Variants in EIF4ENIF1 observed in about 807,000 individuals in gnomAD.
EIF4ENIF1 encodes the protein eukaryotic translation initiation factor 4E transporter.
EIF4ENIF1 carries 23 observed loss-of-function variants against 110.5 expected under a neutral mutation model. The observed-to-expected ratio is 0.21, with a 90% CI of 0.15 to 0.29. The LOEUF (loss-of-function observed/expected upper bound fraction) is 0.29, where lower values mean the gene tolerates loss of function less well. Ranked by LOEUF, EIF4ENIF1 falls within the 10% of genes least tolerant of loss-of-function variation. EIF4ENIF1 has a pLI of 1.00. For missense variants in EIF4ENIF1, 1,031 were observed against 1,221.1 expected (o/e 0.84, Z 2.32); for synonymous variants, 440 against 437.0 (o/e 1.01, Z -0.09).
upstream of EIF4ENIF1, among the ~76,000 whole-genome samples, chr22:31,493,120 GC>G (rs796240645): frequency 8.0e-5 from 12 of 149,706 alleles, no homozygotes; most frequent in African/African-American, 2.7e-4. Context: ...TGCAAGCTCT[GC>G]CCCCTGGGTT....
At chr22:31,485,731 G>A (rs910601891) in intron 2 of EIF4ENIF1, among the ~76,000 whole-genome samples, 5 of 152,058 alleles carry the variant, frequency 3.3e-5, no homozygotes, top group African/African-American at 1.2e-4. Context: ...TTGAACCCGG[G>A]AAGCGGAGGT....
At chr22:31,487,430 AC>A (rs1308207507) in intron 2 of EIF4ENIF1, among the ~76,000 whole-genome samples, 1 of 152,212 alleles carries the variant, frequency 6.6e-6, no homozygotes, top group Non-Finnish European at 1.5e-5. Context: ...GCACCAGAAC[AC>A]AAACAAGAGC....
chr22:31,460,738 A>C (rs949252030), intron 6 of EIF4ENIF1, among the ~76,000 whole-genome samples: 13 of 152,100 alleles, frequency 8.5e-5, no homozygotes, highest in African/African-American at 2.9e-4. Context: ...CGAGGTCAGG[A>C]GATCGAGACC....
At chr22:31,470,623 G>T (rs1253214903) in intron 3 of EIF4ENIF1, among the ~76,000 whole-genome samples, 2 of 150,290 alleles carry the variant, frequency 1.3e-5, no homozygotes, top group African/African-American at 2.5e-5. Flanking sequence ...ATTAGTATTA[G>T]CCTACATTTT....
intron 2 of EIF4ENIF1, among the ~76,000 whole-genome samples, chr22:31,473,640 G>T (rs1228311577): frequency 6.6e-6 from 1 of 152,144 alleles, no homozygotes; most frequent in Non-Finnish European, 1.5e-5. Context: ...GATAGACTGA[G>T]CCTAAATATC....
At chr22:31,491,494 T>G (rs2052280727), upstream of EIF4ENIF1, among the ~76,000 whole-genome samples, 1 of 152,156 alleles carries the variant, frequency 6.6e-6, no homozygotes. Context: ...TTCCTCATTT[T>G]TCCGAAAGGG....
chr22:31,437,924 G>A (rs1455709515), downstream of EIF4ENIF1: 1 of 152,204 alleles, frequency 6.6e-6, no homozygotes, highest in African/African-American at 2.4e-5. Flanking sequence ...GATTACTAAT[G>A]AGGCTGAAAG....
rs1419549300 is a variant in EIF4ENIF1, at chr22:31,468,095, TCA to T, written c.298+78_298+79del. Reference sequence around the variant, plus strand: ...CATTTCCCCTCAAAGCATAAAATTCTCAGAGCTAAGAATGAAACCAGCAGGCA... The same window carrying T: ...CATTTCCCCTCAAAGCATAAAATTCTGAGCTAAGAATGAAACCAGCAGGCA... On this transcript the variant is annotated intron_variant, in intron 4 of 18. Coordinates refer to ENST00000330125, the MANE Select transcript of EIF4ENIF1 (RefSeq NM_019843.4). 4 of 1,546,944 alleles carry T rather than the reference TCA, an allele frequency of 2.6e-6. No individual in the cohort carries two copies. The East Asian group carries it at 9.1e-5, about 35-fold the overall frequency.
chr22:31,445,237 A>G (rs2050425473), intron 14 of EIF4ENIF1, among the ~76,000 whole-genome samples: 1 of 152,162 alleles, frequency 6.6e-6, no homozygotes, highest in Non-Finnish European at 1.5e-5. Flanking sequence ...GGGAGCGGCA[A>G]TAATTAGCAC....
chr22:31,461,093 T>A (rs1284986541), intron 6 of EIF4ENIF1, among the ~76,000 whole-genome samples: 1 of 152,236 alleles, frequency 6.6e-6, no homozygotes, highest in African/African-American at 2.4e-5. Context: ...GATGGGTACA[T>A]GTGTTCTTCA....
chr22:31,488,850 G>C (rs1171755183), intron 1 of EIF4ENIF1, 105 bp from the exon 2 acceptor site: 5 of 1,354,440 alleles, frequency 3.7e-6, no homozygotes, highest in African/African-American at 1.5e-5. Flanking sequence ...AAAACAGCTA[G>C]TGTTAAAAAC....
At chr22:31,482,085 C>G (rs1012222536) in intron 2 of EIF4ENIF1, among the ~76,000 whole-genome samples, 1 of 150,814 alleles carries the variant, frequency 6.6e-6, no homozygotes, top group African/African-American at 2.4e-5. Flanking sequence ...GTGGAAGGAT[C>G]GCATGAATGC....
intron 2 of EIF4ENIF1, among the ~76,000 whole-genome samples, chr22:31,482,700 AC>A (rs2051864290): frequency 6.7e-6 from 1 of 149,688 alleles, no homozygotes; most frequent in African/African-American, 2.5e-5. Context: ...ACAAAAAAAA[AC>A]AGATTAGTCT....
downstream of EIF4ENIF1, among the ~76,000 whole-genome samples, chr22:31,438,809 G>T (rs372339932): frequency 1.6e-4 from 24 of 151,884 alleles, no homozygotes; most frequent in South Asian, 4.8e-3. Context: ...TGCAACCTCT[G>T]CCTCCCAGGT....
At chr22:31,486,615 C>G (rs1474884947) in intron 2 of EIF4ENIF1, among the ~76,000 whole-genome samples, 1 of 150,708 alleles carries the variant, frequency 6.6e-6, no homozygotes, top group Non-Finnish European at 1.5e-5. Context: ...CCCGTCTCCA[C>G]TAAAACTACA....
chr22:31,446,571 G>GT (rs990926470), intron 14 of EIF4ENIF1, among the ~76,000 whole-genome samples: 20 of 152,148 alleles, frequency 1.3e-4, no homozygotes, highest in African/African-American at 4.8e-4. Context: ...TAAGTACCGA[G>GT]TATTTTAAAG....
Position 31,463,927 on chromosome 22 carries a change from A to G in EIF4ENIF1, c.339T>C (p.Val113=). The part of the protein sequence containing the change: ...ERVKEDDLDV[V]LSPQRRSFGG... ...CAAAGCTCCGTCTCTGAGGGCTGAG[A>G]ACAACATCTAAGTCATCTTCTTTCA... is the stretch of plus-strand genomic sequence containing the variant. The change falls in exon 5 of 19, where the codon GTT becomes GTC. Residue 113 remains valine (V), a synonymous_variant. Coordinates refer to ENST00000330125, the MANE Select transcript of EIF4ENIF1 (RefSeq NM_019843.4). 6.2e-7 allele frequency: 1 copy of G among 1,614,038 alleles called. No individual in the cohort carries two copies. The highest frequency in any genetic ancestry group is 8.5e-7 in the Non-Finnish European group (1 of 1,180,026).
At chr22:31,453,349 T>C (rs765527485) in intron 10 of EIF4ENIF1, 1 of 392,630 alleles carries the variant, frequency 2.5e-6, no homozygotes, top group South Asian at 1.9e-5. Context: ...ATTGACAGAA[T>C]GTAATTATCC....
At chr22:31,479,197 G>A (rs2051715130) in intron 2 of EIF4ENIF1, among the ~76,000 whole-genome samples, 1 of 151,724 alleles carries the variant, frequency 6.6e-6, no homozygotes, top group South Asian at 2.1e-4. Flanking sequence ...CTCCTGAGTA[G>A]GTGGGATTAC....
Sources: gnomAD v4.1 joint callset for allele counts (sites outside exome capture counted in the v4.1 genomes callset) on GRCh38, gnomAD v4.1.1 for gene constraint, MANE v1.5 for transcripts, NCBI Gene and HGNC (gene_info 2026-07-23, HGNC 2026-07-21) for gene names.